The following URB1 variants were observed in gnomAD, a reference collection of about 807,000 sequenced individuals.
URB1 encodes URB1 ribosome biogenesis factor.
A neutral mutation model predicts 242.3 loss-of-function variants in URB1; 197 were observed. The observed-to-expected ratio is 0.81, with a 90% CI of 0.72 to 0.91. The LOEUF (loss-of-function observed/expected upper bound fraction) is 0.91, where lower values mean the gene tolerates loss of function less well. URB1 is among the 40% of genes least tolerant of loss of function. The pLI, the probability that URB1 is intolerant of heterozygous loss-of-function variation, is 0.00. For missense variants in URB1, 2,721 were observed against 2,860.5 expected (o/e 0.95, Z 1.11); for synonymous variants, 1,153 against 1,201.8 (o/e 0.96, Z 0.84).
intron 34 of URB1, 145 bp downstream of exon 34, chr21:32,321,656 A>G (rs1289457962): frequency 1.6e-6 from 2 of 1,253,474 alleles, no homozygotes; most frequent in Admixed American, 4.8e-5. Flanking sequence ...CGCTCTCAAC[A>G]TCTCACTTCC....
chr21:32,324,841 T>G (rs918397528), intron 31 of URB1, among the ~76,000 whole-genome samples: 1 of 152,290 alleles, frequency 6.6e-6, no homozygotes, highest in Non-Finnish European at 1.5e-5. Context: ...TCTGGCACCA[T>G]GCCCTGAAAA....
At chr21:32,357,737 A>G (rs1318239497) in intron 14 of URB1, 81 bp from the exon 15 acceptor site, 7 of 1,114,140 alleles carry the variant, frequency 6.3e-6, no homozygotes, top group Non-Finnish European at 7.8e-6. Context: ...TATTAGAAAC[A>G]TACCATGGGG....
chr21:32,351,275 C>T lies in URB1; in HGVS notation c.2614-353G>A, dbSNP rs558649809. ...CACTAGAAAGGGGGAAATCAGCCCA[C>T]AGAGAAGCCCGCTCTGCGAGTGGCC... On this transcript the variant is annotated intron_variant, in intron 19 of 38. Transcript: ENST00000382751. 3.9e-5 allele frequency among the ~76,000 whole-genome samples: 6 copies of T among 152,304 alleles called. No homozygotes were observed. In the South Asian group the frequency reaches 1.2e-3, roughly 32 times the overall value.
At chr21:32,391,689 G>A (rs544922640) in intron 1 of URB1, among the ~76,000 whole-genome samples, 1 of 152,082 alleles carries the variant, frequency 6.6e-6, no homozygotes, top group Non-Finnish European at 1.5e-5. Context: ...CTTCCTAGCT[G>A]TGACTAGCAA....
At position 32,366,729 on chromosome 21, in the gene URB1, G is replaced by A. The variant is rs1333936220; in HGVS notation, c.1224C>T (p.Ser408=). The change falls in exon 10 of 39, where the codon TCC becomes TCT. Residue 408 remains serine (S), a synonymous_variant. Coordinates refer to ENST00000382751, the MANE Select transcript of URB1 (RefSeq NM_014825.3). ...TAAACTCTCTGGTCTGAAATGCCCG[G>A]GAAATCTCCGGCTGAGCCTCATAGA... The part of the protein sequence containing the change: ...NKIYEAQPEI[S]RAFQTREFIP... 2 of 1,551,364 alleles carry A rather than the reference G, an allele frequency of 1.3e-6. No homozygotes were observed. Among genetic ancestry groups the A allele is most frequent in the Non-Finnish European group, 1.7e-6 (2 of 1,146,884 alleles).
chr21:32,381,564 G>A (rs533024475), intron 4 of URB1, among the ~76,000 whole-genome samples: 1 of 152,158 alleles, frequency 6.6e-6, no homozygotes, highest in East Asian at 1.9e-4. Context: ...TCAACCAAAT[G>A]CAATGTGGAC....
chr21:32,372,160 G>A (rs1417750331), intron 8 of URB1, among the ~76,000 whole-genome samples: 3 of 152,214 alleles, frequency 2.0e-5, no homozygotes, highest in African/African-American at 7.2e-5. Flanking sequence ...ACCTGCGTCA[G>A]GACTGCTGTG....
At chr21:32,355,941 C>T (rs2033215337) in intron 15 of URB1, among the ~76,000 whole-genome samples, 1 of 152,214 alleles carries the variant, frequency 6.6e-6, no homozygotes, top group Admixed American at 6.5e-5. Context: ...GGAGGTCAAG[C>T]AGTTTCATTG....
In URB1 at chr21:32,312,326, C is replaced by T; in HGVS notation, c.*2592G>A. On this transcript the variant is annotated 3_prime_UTR_variant, in exon 39 of 39. Transcript: ENST00000382751. ...TACTAATCTTTACTATGCCACTTTA[C>T]CATTACTGTGTAATGCGTTATCAGC... 1 of 1,264,336 alleles carries T rather than the reference C, an allele frequency of 7.9e-7. No individual in the cohort carries two copies. Among genetic ancestry groups the T allele is most frequent in the Non-Finnish European group, 1.0e-6 (1 of 992,224 alleles). The allele number at this position is 1,264,336 out of a possible 1,614,324, so 78.3% of individuals were successfully genotyped here. A position where few individuals can be genotyped will look rare whatever the true frequency, so the allele number is the denominator to read the frequency against.
At chr21:32,366,538 G>T in intron 10 of URB1, 80 bp downstream of exon 10, 1 of 1,526,104 alleles carries the variant, frequency 6.6e-7, no homozygotes, top group Non-Finnish European at 8.8e-7. Context: ...ATCCAGGCCA[G>T]TTCTCAGAAT....
At position 32,313,564 on chromosome 21, in the gene URB1, T is replaced by C. The variant is rs371016767; in HGVS notation, c.*1354A>G. ...AGACAATTATTTGTGGTGAAGGGAC[T>C]GTATGCCAACAAACGTTACTCATGC... On this transcript the variant is annotated 3_prime_UTR_variant, in exon 39 of 39. Transcript: ENST00000382751. The C allele has an allele frequency of 3.3e-5, 5 of 152,256 alleles. No individual in the cohort carries two copies. The South Asian group carries it at 1.0e-3, about 31-fold the overall frequency. The allele number at this position is 152,256 out of a possible 1,614,324, so 9.4% of individuals were successfully genotyped here.
rs142562651 is a variant in URB1 at position 32,383,579 on chromosome 21, G to A, written c.435-25C>T. The A allele has an allele frequency of 3.8e-5, 58 of 1,545,432 alleles. No homozygotes were observed. The African/African-American group carries it at 4.1e-4, about 11-fold the overall frequency. On this transcript the variant is annotated intron_variant, in intron 3 of 38. Transcript: ENST00000382751. ...CCTGCACAGGGAACCAGAGGAAATC[G>A]GACACGTCAACAACAGCAGAAGCAC...
Position 32,311,540 on chromosome 21 carries a change from T to C in URB1, c.*3378A>G. The C allele has an allele frequency of 8.2e-7, 1 of 1,218,296 alleles. No homozygotes were observed. Among genetic ancestry groups the C allele is most frequent in the Non-Finnish European group, 1.1e-6 (1 of 878,374 alleles). The allele number at this position is 1,218,296 out of a possible 1,614,324, so 75.5% of individuals were successfully genotyped here. A position where few individuals can be genotyped will look rare whatever the true frequency, so the allele number is the denominator to read the frequency against. On this transcript the variant is annotated 3_prime_UTR_variant, in exon 39 of 39. Coordinates refer to ENST00000382751, the MANE Select transcript of URB1 (RefSeq NM_014825.3). The stretch of plus-strand genomic sequence containing the variant: ...AGAATGGCCACCTTTGTGAGCTGGC[T>C]GACCCTTCTCAGGAATTTGCCTGTG...
chr21:32,347,336 C>G lies in URB1; in HGVS notation c.3488G>C (p.Cys1163Ser), dbSNP rs1402068167. 6.4e-7 allele frequency: 1 copy of G among 1,551,336 alleles called. No individual in the cohort carries two copies. The highest frequency in any genetic ancestry group is 1.4e-5 in the African/African-American group (1 of 73,182). The change falls in exon 22 of 39, where the codon TGC becomes TCC. Residue 1163 changes from cysteine (C) to serine (S), a missense_variant. Physicochemically the swap from Cys to Ser is moderately radical, Grantham distance 112. Transcript: ENST00000382751. ...LGKTLVQLLT[C>S]SPQDQLQSGE... ...ACTCTGCAGCTGATCCTGGGGGCTG[C>G]AGGTCAGCAGCTGCACCAGGGTCTT... is the stretch of plus-strand genomic sequence containing the variant.
At chr21:32,318,548 C>T (rs936287320) in intron 36 of URB1, among the ~76,000 whole-genome samples, 1 of 152,186 alleles carries the variant, frequency 6.6e-6, no homozygotes, top group Admixed American at 6.5e-5. Flanking sequence ...AAACAAAAGG[C>T]CTTGTTCTTT....
chr21:32,319,379 G>C lies in URB1; in HGVS notation c.5630C>G (p.Ser1877Cys). The change falls in exon 36 of 39, where the codon TCC (serine) becomes TGC (cysteine). Residue 1877 changes from serine (S) to cysteine (C), a missense_variant. By Grantham distance (112) the Ser-to-Cys change is moderately radical. Coordinates refer to ENST00000382751, the MANE Select transcript of URB1 (RefSeq NM_014825.3). ...LETPLLSNVISLLHTLWVTNL... is the reference protein window; with the variant it reads ...LETPLLSNVICLLHTLWVTNL... The stretch of plus-strand genomic sequence containing the variant: ...GGTCACCCACAGTGTGTGTAGCAAG[G>C]AGATCACATTAGACAGCAGCGGAGT... 2 of 1,545,970 alleles carry C rather than the reference G, an allele frequency of 1.3e-6. No homozygotes were observed. The highest frequency in any genetic ancestry group is 2.7e-5 in the African/African-American group (2 of 72,834).
At chr21:32,349,813 G>C (rs772866316) in intron 20 of URB1, among the ~76,000 whole-genome samples, 2 of 152,302 alleles carry the variant, frequency 1.3e-5, no homozygotes, top group Non-Finnish European at 2.9e-5. Flanking sequence ...GGGAGGGCTG[G>C]GCCAGGCTCA....
At chr21:32,375,911 C>G (rs1194821721) in intron 5 of URB1, among the ~76,000 whole-genome samples, 4 of 151,970 alleles carry the variant, frequency 2.6e-5, no homozygotes, top group African/African-American at 4.8e-5. Flanking sequence ...AAGCCATGAT[C>G]GCACCACTGC....
chr21:32,346,378 C>T (rs1186768361), intron 22 of URB1, among the ~76,000 whole-genome samples: 2 of 152,200 alleles, frequency 1.3e-5, no homozygotes, highest in Admixed American at 6.5e-5. Context: ...AGGGCACTGT[C>T]TTACTTTTTA....
Sources: gnomAD v4.1 joint callset for allele counts (sites outside exome capture counted in the v4.1 genomes callset) on GRCh38, gnomAD v4.1.1 for gene constraint, MANE v1.5 for transcripts, NCBI Gene and HGNC (gene_info 2026-07-23, HGNC 2026-07-21) for gene names.